RBMS1: variants seen among roughly 807,000 people sequenced by gnomAD.
The protein encoded by RBMS1 is RNA-binding motif, single-stranded-interacting protein 1.
In RBMS1, 17 loss-of-function variants were observed where a neutral mutation model predicts 62.3. The ratio of observed to expected loss-of-function variants is 0.27; its 90% CI spans 0.19 to 0.41. The LOEUF (loss-of-function observed/expected upper bound fraction) is 0.41. Among genes scored for constraint, RBMS1 ranks in the 10% least tolerant of loss-of-function variants. The pLI is 1.00. For missense variants in RBMS1, 334 were observed against 504.5 expected (o/e 0.66, Z 3.24); for synonymous variants, 172 against 170.0 (o/e 1.01, Z -0.09).
chr2:160,354,452 G>A (rs1200529093), intron 2 of RBMS1, among the ~76,000 whole-genome samples: 1 of 152,048 alleles, frequency 6.6e-6, no homozygotes, highest in Non-Finnish European at 1.5e-5. Flanking sequence ...AAGGGACAGT[G>A]AAAACAATTC....
At chr2:160,312,283 A>G (rs1006821084) in intron 4 of RBMS1, among the ~76,000 whole-genome samples, 13 of 152,206 alleles carry the variant, frequency 8.5e-5, no homozygotes, top group African/African-American at 3.1e-4. Flanking sequence ...AGAGAAGGAC[A>G]CAATGACTGG....
rs113936435 is a variant in RBMS1 at position 160,437,544 on chromosome 2, T to C, written c.75+55745A>G. 5.4e-3 allele frequency among the ~76,000 whole-genome samples: 822 copies of C among 152,312 alleles called. 7 individuals are homozygous for C. The highest frequency in any genetic ancestry group is 0.019 in the South Asian group (93 of 4,822). On this transcript the variant is annotated intron_variant, in intron 1 of 13. Transcript: ENST00000348849. The stretch of plus-strand genomic sequence containing the variant: ...AGTGAAGGAGTAACAGATGTTAAAA[T>C]ATGACCAACTTTGTGCCTGACAAAT...
intron 1 of RBMS1, among the ~76,000 whole-genome samples, chr2:160,462,149 G>A (rs1488747566): frequency 6.6e-6 from 1 of 152,130 alleles, no homozygotes; most frequent in Non-Finnish European, 1.5e-5. Flanking sequence ...AAACTTGGAT[G>A]TGCATCAGAT....
At chr2:160,442,899 G>A (rs1257211480) in intron 1 of RBMS1, among the ~76,000 whole-genome samples, 1 of 152,050 alleles carries the variant, frequency 6.6e-6, no homozygotes, top group Non-Finnish European at 1.5e-5. Flanking sequence ...TTTAAACCCT[G>A]CCTGCCAAAT....
chr2:160,315,319 G>C (rs1690150434), intron 3 of RBMS1, among the ~76,000 whole-genome samples: 1 of 152,112 alleles, frequency 6.6e-6, no homozygotes, highest in South Asian at 2.1e-4. Flanking sequence ...CAAGTAAATA[G>C]AAGACAATAT....
At chr2:160,458,230 C>A (rs1383138995) in intron 1 of RBMS1, among the ~76,000 whole-genome samples, 2 of 152,112 alleles carry the variant, frequency 1.3e-5, no homozygotes, top group Admixed American at 1.3e-4. Flanking sequence ...TCCCAAAGTG[C>A]CGGGATTACA....
chr2:160,388,033 A>G (rs1164512775), intron 1 of RBMS1, among the ~76,000 whole-genome samples: 1 of 152,182 alleles, frequency 6.6e-6, no homozygotes, highest in Non-Finnish European at 1.5e-5. Flanking sequence ...ACAGCCAAAC[A>G]GGGTTCCAAC....
At chr2:160,437,162 A>G (rs1448942652) in intron 1 of RBMS1, among the ~76,000 whole-genome samples, 2 of 152,174 alleles carry the variant, frequency 1.3e-5, no homozygotes, top group African/African-American at 4.8e-5. Flanking sequence ...GACAACTACT[A>G]TCCCAAAGGC....
rs201409576 is a variant in RBMS1 at position 160,465,867 on chromosome 2, C to T, written c.75+27422G>A. ...CACCACACACACACACACACACATA[C>T]ACACACACACACACACACACACTCT... is the stretch of plus-strand genomic sequence containing the variant. On this transcript the variant is annotated intron_variant, in intron 1 of 13. Coordinates refer to ENST00000348849, the MANE Select transcript of RBMS1 (RefSeq NM_016836.4). Among the ~76,000 whole-genome samples, 610 of 75,652 alleles carry T rather than the reference C, an allele frequency of 8.1e-3. 3 individuals are homozygous for T. Among genetic ancestry groups the T allele is most frequent in the African/African-American group, 0.01 (166 of 15,928 alleles). 49.6% of individuals were successfully genotyped at this position (75,652 alleles called of 152,430 possible). A position where few individuals can be genotyped will look rare whatever the true frequency, so the allele number is the denominator to read the frequency against.
chr2:160,312,480 T>C (rs1262730597), intron 4 of RBMS1, among the ~76,000 whole-genome samples: 1 of 152,154 alleles, frequency 6.6e-6, no homozygotes, highest in Non-Finnish European at 1.5e-5. Flanking sequence ...TCCCCTAACA[T>C]TCAAGCAAGT....
Position 160,395,922 on chromosome 2 carries a change from T to C in RBMS1, c.76-28531A>G, listed in dbSNP as rs1432858721. On this transcript the variant is annotated intron_variant, in intron 1 of 13. Coordinates refer to ENST00000348849, the MANE Select transcript of RBMS1 (RefSeq NM_016836.4). ...ACCCTTCCTCCAAAATCCTCTTTTGTATACAAACTGACCTGTTAGGAGACA... is the reference window on the plus strand; with the variant it reads ...ACCCTTCCTCCAAAATCCTCTTTTGCATACAAACTGACCTGTTAGGAGACA... Among the ~76,000 whole-genome samples, 5 of 152,236 alleles carry C rather than the reference T, an allele frequency of 3.3e-5. No homozygotes were observed. The South Asian group carries it at 1.0e-3, about 32-fold the overall frequency.
intron 1 of RBMS1, among the ~76,000 whole-genome samples, chr2:160,448,924 G>T (rs1305339124): frequency 2.0e-5 from 3 of 151,102 alleles, no homozygotes; most frequent in Non-Finnish European, 4.4e-5. Context: ...TGGGATGTGA[G>T]GAGTGCCTCT....
chr2:160,450,099 A>G (rs73969322), intron 1 of RBMS1, among the ~76,000 whole-genome samples: 32,929 of 152,034 alleles, frequency 0.22, 3,900 homozygotes, highest in African/African-American at 0.3. Flanking sequence ...CAACCATACC[A>G]GCACTTGCTG....
intron 2 of RBMS1, among the ~76,000 whole-genome samples, chr2:160,353,390 A>G (rs921960467): frequency 2.0e-5 from 3 of 152,090 alleles, no homozygotes; most frequent in Non-Finnish European, 4.4e-5. Flanking sequence ...ATCCAACATA[A>G]TCTAATTCAA....
chr2:160,278,245 T>C (rs1687934302), intron 11 of RBMS1: 1 of 368,144 alleles, frequency 2.7e-6, no homozygotes. Flanking sequence ...TTTCGCTTCA[T>C]GACACTGCCA....
chr2:160,304,876 A>G (rs548631387), intron 4 of RBMS1, among the ~76,000 whole-genome samples: 8 of 152,122 alleles, frequency 5.3e-5, no homozygotes, highest in Non-Finnish European at 1.2e-4. Context: ...TCTTTTTTTG[A>G]GATGGAGTCT....
chr2:160,478,840 A>G (rs1685245767), intron 1 of RBMS1, among the ~76,000 whole-genome samples: 1 of 152,208 alleles, frequency 6.6e-6, no homozygotes, highest in South Asian at 2.1e-4. Context: ...AAGGTTATCC[A>G]CATAATTGAC....
intron 1 of RBMS1, among the ~76,000 whole-genome samples, chr2:160,368,681 C>G (rs2106026460): frequency 6.6e-6 from 1 of 152,286 alleles, no homozygotes; most frequent in South Asian, 2.1e-4. Flanking sequence ...CTCTGTCACC[C>G]AGGCTGGAGT....
chr2:160,318,238 AAAAAAAAAAAAAAAG>A lies in RBMS1; in HGVS notation c.252-26_252-12del. 1 of 1,521,510 alleles carries A rather than the reference AAAAAAAAAAAAAAAG, an allele frequency of 6.6e-7. No homozygotes were observed. The highest frequency in any genetic ancestry group is 1.3e-5 in the South Asian group (1 of 78,994). 94.3% of individuals were successfully genotyped at this position (1,521,510 alleles called of 1,614,324 possible). On this transcript the variant is annotated splice_polypyrimidine_tract_variant and intron_variant, in intron 2 of 13. Coordinates refer to ENST00000348849, the MANE Select transcript of RBMS1 (RefSeq NM_016836.4). ...ACTATTTTCCCATATCTAAAAAAAA[AAAAAAAAAAAAAAAG>A]GAAAAAAAGAAAAGAAAGAAAAAGA...
Sources: allele counts gnomAD v4.1 joint callset (sites outside exome capture counted in the v4.1 genomes callset), GRCh38; gene constraint gnomAD v4.1.1; transcripts MANE v1.5; gene names NCBI Gene and HGNC (gene_info 2026-07-23, HGNC 2026-07-21).